The following TRNT1 variants were observed in gnomAD, a reference collection of about 807,000 sequenced individuals.
The protein encoded by TRNT1 is CCA tRNA nucleotidyltransferase 1, mitochondrial.
A neutral mutation model predicts 45.6 loss-of-function variants in TRNT1; 44 were observed. The ratio of observed to expected loss-of-function variants is 0.97; its 90% CI spans 0.76 to 1.24. TRNT1 has a LOEUF of 1.24. Ranked by LOEUF, TRNT1 falls within the 50% of genes most tolerant of loss-of-function variation. The pLI is 0.00. For missense variants in TRNT1, 633 were observed against 504.4 expected, an observed-to-expected ratio of 1.25 and a Z score of -2.44; for synonymous variants, 201 against 171.4, an observed-to-expected ratio of 1.17 and a Z score of -1.35.
chr3:3,137,783 C>T (rs987677376), intron 3 of TRNT1, among the ~76,000 whole-genome samples: 1 of 152,198 alleles, frequency 6.6e-6, no homozygotes, highest in Admixed American at 6.5e-5. Flanking sequence ...ACGTATAATT[C>T]TCCTTCTTCT....
chr3:3,145,897 G>A (rs1012259292), intron 5 of TRNT1, among the ~76,000 whole-genome samples: 2 of 151,842 alleles, frequency 1.3e-5, no homozygotes, highest in South Asian at 2.1e-4. Flanking sequence ...ACACATGCAC[G>A]TTAGGGCTTC....
Position 3,128,995 on chromosome 3 carries a change from C to T in TRNT1, c.-27-19C>T, listed in dbSNP as rs138773999. 2.0e-6 allele frequency: 3 copies of T among 1,525,738 alleles called. No homozygotes were observed. The highest frequency in any genetic ancestry group is 2.7e-5 in the African/African-American group (2 of 73,068). The allele number at this position is 1,525,738 out of a possible 1,614,324, so 94.5% of individuals were successfully genotyped here. A position where few individuals can be genotyped will look rare whatever the true frequency, so the allele number is the denominator to read the frequency against. ...TTCACTTTTAATTTCATTGGTATGC[C>T]TGTGTATTTGCCTTGTAGATGTGTA... On this transcript the variant is annotated intron_variant, in intron 1 of 7. Transcript: ENST00000251607.
chr3:3,128,394 C>G (rs112763100), intron 1 of TRNT1, among the ~76,000 whole-genome samples: 18,909 of 151,882 alleles, frequency 0.12, 1,280 homozygotes, highest in Admixed American at 0.17. Context: ...GTCAGGAGTT[C>G]GAGAGCAGTC....
chr3:3,145,307 T>C (rs966806791), intron 5 of TRNT1: 2 of 151,678 alleles, frequency 1.3e-5, no homozygotes, highest in African/African-American at 4.8e-5. Flanking sequence ...GATGAGACCA[T>C]GCTGGCTAAC....
chr3:3,139,530 T>C (rs1393344088), intron 3 of TRNT1, among the ~76,000 whole-genome samples: 1 of 152,226 alleles, frequency 6.6e-6, no homozygotes, highest in Non-Finnish European at 1.5e-5. Context: ...TACTTTCTCT[T>C]TTACATATAT....
intron 5 of TRNT1, chr3:3,145,426 C>G (rs147845608): frequency 6.6e-6 from 1 of 150,844 alleles, no homozygotes; most frequent in African/African-American, 2.4e-5. Flanking sequence ...TGGCGGGAAC[C>G]CGGGAGGCGG....
chr3:3,153,283 A>C (rs1346404359), downstream of TRNT1: 1 of 612,114 alleles, frequency 1.6e-6, no homozygotes. Context: ...GTCTTAGCAA[A>C]AGTGAGCTAA....
At chr3:3,132,696 TTAAAAAAA>T (rs1314644539) in intron 2 of TRNT1, among the ~76,000 whole-genome samples, 3,652 of 80,668 alleles carry the variant, frequency 0.045, 106 homozygotes, top group African/African-American at 0.12. Flanking sequence ...AAAAAAAAAA[TTAAAAAAA>T]TAAAAAAAAA....
chr3:3,132,510 T>TATC (rs923753482), intron 2 of TRNT1, among the ~76,000 whole-genome samples: 2 of 27,670 alleles, frequency 7.2e-5, no homozygotes, highest in African/African-American at 1.7e-4. Flanking sequence ...GGAAGGGGAA[T>TATC]ATCACACTCT....
intron 2 of TRNT1, among the ~76,000 whole-genome samples, chr3:3,133,025 C>CA (rs1705111487): frequency 6.6e-6 from 1 of 152,128 alleles, no homozygotes; most frequent in African/African-American, 2.4e-5. Flanking sequence ...TCAAAATGTA[C>CA]AAAAACACAC....
At chr3:3,147,870 G>A (rs1706160310) in intron 7 of TRNT1, 36 bp from the exon 8 acceptor site, 2 of 1,587,316 alleles carry the variant, frequency 1.3e-6, no homozygotes, top group Admixed American at 1.8e-5. Flanking sequence ...ATGTTTTCAT[G>A]TGTGACGAAA....
intron 2 of TRNT1, chr3:3,129,481 G>A (rs1704863551): frequency 5.0e-6 from 2 of 402,584 alleles, no homozygotes; most frequent in African/African-American, 2.0e-5. Context: ...AATCTCTTGG[G>A]GAGGCCAAGG....
At chr3:3,139,935 C>T (rs544237934) in intron 3 of TRNT1, among the ~76,000 whole-genome samples, 2 of 152,194 alleles carry the variant, frequency 1.3e-5, no homozygotes, top group African/African-American at 4.8e-5. Context: ...TACCATCTTG[C>T]CCAGGCTGGT....
intron 5 of TRNT1, among the ~76,000 whole-genome samples, chr3:3,146,002 G>A (rs1224528247): frequency 6.6e-6 from 1 of 150,832 alleles, no homozygotes; most frequent in East Asian, 1.9e-4. Flanking sequence ...GTACAGACAG[G>A]CAAGCTTTGA....
At position 3,147,944 on chromosome 3, in the gene TRNT1, A is replaced by G. The variant is rs763049276; in HGVS notation, c.1095A>G (p.Leu365=). 2 of 1,613,968 alleles carry G rather than the reference A, an allele frequency of 1.2e-6. No individual in the cohort carries two copies. The highest frequency in any genetic ancestry group is 4.5e-5 in the East Asian group (2 of 44,876). Residue 365 remains leucine (L), a synonymous_variant, in exon 8 of 8, where the codon CTA becomes CTG. Coordinates refer to ENST00000251607, the MANE Select transcript of TRNT1 (RefSeq NM_182916.3). ...EPDATTRVCE[L]LKYQGEHCLL... ...ATGCAACTACTCGTGTATGTGAACT[A>G]CTGAAGTACCAAGGAGAGCACTGTC...
chr3:3,127,728 C>T (rs1007326808), intron 1 of TRNT1: 1 of 152,226 alleles, frequency 6.6e-6, no homozygotes, highest in African/African-American at 2.4e-5. Flanking sequence ...TTTTGGAGAC[C>T]AGAAACTCGG....
intron 4 of TRNT1, among the ~76,000 whole-genome samples, chr3:3,142,299 C>G (rs1423772220): frequency 2.6e-5 from 4 of 152,056 alleles, no homozygotes; most frequent in East Asian, 1.9e-4. Context: ...TTTACTGAAC[C>G]CTTATAACAT....
chr3:3,131,471 T>C (rs1391511866), intron 2 of TRNT1: 1 of 152,098 alleles, frequency 6.6e-6, no homozygotes, highest in Non-Finnish European at 1.5e-5. Context: ...TGAAACTGGC[T>C]AGCCATATGT....
At position 3,148,113 on chromosome 3, in the gene TRNT1, A is replaced by G. The variant is rs774195084; in HGVS notation, c.1264A>G (p.Met422Val). The G allele has an allele frequency of 6.2e-7, 1 of 1,613,792 alleles. No homozygotes were observed. The highest frequency in any genetic ancestry group is 8.5e-7 in the Non-Finnish European group (1 of 1,179,738). Residue 422 changes from methionine to valine, a missense_variant, in exon 8 of 8, where the codon ATG (methionine) becomes GTG (valine). Coordinates refer to ENST00000251607, the MANE Select transcript of TRNT1 (RefSeq NM_182916.3). ...ACAGTGGAAAAAAAGTGGTTACCAA[A>G]TGGAAAAAGATGAACTTCTGAGTTA... ...REQWKKSGYQ[M>V]EKDELLSYIK...
Sources: gnomAD v4.1 joint callset for allele counts (sites outside exome capture counted in the v4.1 genomes callset) on GRCh38, gnomAD v4.1.1 for gene constraint, MANE v1.5 for transcripts, NCBI Gene and HGNC (gene_info 2026-07-23, HGNC 2026-07-21) for gene names.